Variants in MITF observed in about 807,000 individuals in gnomAD.
The protein encoded by MITF is melanocyte inducing transcription factor.
MITF carries 17 observed loss-of-function variants against 60.5 expected under a neutral mutation model. The observed-to-expected ratio is 0.28, with a 90% CI of 0.19 to 0.42. MITF has a LOEUF of 0.42. Among genes scored for constraint, MITF ranks in the 10% least tolerant of loss-of-function variants. The probability of loss-of-function intolerance (pLI) is 1.00; values close to 1 mark genes in which losing one functional copy is unlikely to be tolerated. For synonymous variants in MITF, 260 were observed against 248.5 expected (o/e 1.05, Z -0.43); for missense variants, 622 against 683.5 (o/e 0.91, Z 1.00).
intron 1 of MITF, among the ~76,000 whole-genome samples, chr3:69,813,166 T>G (rs914800802): frequency 6.6e-6 from 1 of 152,170 alleles, no homozygotes; most frequent in African/African-American, 2.4e-5. Context: ...TAAACCTGAC[T>G]CAGAAGATTT....
chr3:69,828,797 A>G (rs751523501), intron 1 of MITF, among the ~76,000 whole-genome samples: 1 of 152,198 alleles, frequency 6.6e-6, no homozygotes, highest in Non-Finnish European at 1.5e-5. Flanking sequence ...GGAGTCTGAC[A>G]TGAGCATCAT....
intron 1 of MITF, among the ~76,000 whole-genome samples, chr3:69,821,721 G>A (rs1281725956): frequency 1.1e-4 from 15 of 142,668 alleles, no homozygotes; most frequent in African/African-American, 3.8e-4. Context: ...AAGTTCAAAC[G>A]GGATTTTCTT....
intron 2 of MITF, among the ~76,000 whole-genome samples, chr3:69,896,380 G>T (rs1418865207): frequency 6.6e-6 from 1 of 152,186 alleles, no homozygotes; most frequent in Admixed American, 6.5e-5. Context: ...CATAAAGAAG[G>T]CTGTCTCTGG....
rs141632960 is a variant in MITF, at chr3:69,859,722, C to T, written c.105-19412C>T. Reference sequence around the variant, plus strand: ...ACTCTCCTGTTTCAATCCACAACACCCCTAAAAGATAGGCAGAGACATTCA... The same window carrying T: ...ACTCTCCTGTTTCAATCCACAACACTCCTAAAAGATAGGCAGAGACATTCA... On this transcript the variant is annotated intron_variant, in intron 1 of 9. Transcript: ENST00000352241. Among the ~76,000 whole-genome samples, 12 of 152,042 alleles carry T rather than the reference C, an allele frequency of 7.9e-5. No homozygotes were observed. The East Asian group carries it at 2.1e-3, about 27-fold the overall frequency.
intron 1 of MITF, among the ~76,000 whole-genome samples, chr3:69,802,596 A>G (rs533491541): frequency 1.4e-4 from 21 of 151,232 alleles, no homozygotes; most frequent in Admixed American, 1.1e-3. Flanking sequence ...ATTTTTCACC[A>G]TTCATTTGTG....
At chr3:69,877,942 G>T (rs1453045018) in intron 1 of MITF, among the ~76,000 whole-genome samples, 1 of 152,068 alleles carries the variant, frequency 6.6e-6, no homozygotes, top group Non-Finnish European at 1.5e-5. Flanking sequence ...AGGTGCTAAG[G>T]TTTTGAACCG....
intron 1 of MITF, among the ~76,000 whole-genome samples, chr3:69,802,033 C>A (rs1310297606): frequency 2.0e-5 from 3 of 152,000 alleles, no homozygotes; most frequent in African/African-American, 7.3e-5. Flanking sequence ...TTATTACAAC[C>A]ATTACTTGAG....
intron 2 of MITF, among the ~76,000 whole-genome samples, chr3:69,881,174 A>G (rs759469264): frequency 3.3e-5 from 5 of 152,084 alleles, no homozygotes; most frequent in Non-Finnish European, 5.9e-5. Flanking sequence ...TTGAGCTACA[A>G]CCCCTAACTT....
chr3:69,801,410 T>C lies in MITF; in HGVS notation c.104+61709T>C, dbSNP rs185242243. Among the ~76,000 whole-genome samples, 306 of 152,310 alleles carry C rather than the reference T, an allele frequency of 2.0e-3. 1 individual carries two copies. Among genetic ancestry groups the C allele is most frequent in the African/African-American group, 6.7e-3 (277 of 41,564 alleles). ...GTAAACTGTGACAATGTCAAATCAA[T>C]AACAGTATAGTTTTCTTATATCCAG... is the stretch of plus-strand genomic sequence containing the variant. On this transcript the variant is annotated intron_variant, in intron 1 of 9. Coordinates refer to ENST00000352241, the MANE Select transcript of MITF (RefSeq NM_001354604.2).
chr3:69,955,643 C>T (rs2066377892), intron 7 of MITF, among the ~76,000 whole-genome samples: 1 of 151,856 alleles, frequency 6.6e-6, no homozygotes, highest in African/African-American at 2.4e-5. Context: ...GTGAAACCCC[C>T]TTCTCTACTA....
chr3:69,934,498 G>A (rs1185767154), intron 2 of MITF, among the ~76,000 whole-genome samples: 9 of 152,142 alleles, frequency 5.9e-5, no homozygotes, highest in Non-Finnish European at 1.3e-4. Flanking sequence ...TTGTGCTAAG[G>A]CCGTTAGAAA....
Position 69,951,687 on chromosome 3 carries a change from C to A in MITF, c.881-125C>A. Reference sequence around the variant, plus strand: ...TAAAAAGATATCATTTTTAAAAAAACGTATTTTTACTTAGAGTCAAGTCAA... The same window carrying A: ...TAAAAAGATATCATTTTTAAAAAAAAGTATTTTTACTTAGAGTCAAGTCAA... On this transcript the variant is annotated intron_variant, in intron 6 of 9. Transcript: ENST00000352241. 8.5e-6 allele frequency: 6 copies of A among 705,534 alleles called. No homozygotes were observed. In the Admixed American group the frequency reaches 1.2e-4, roughly 14 times the overall value. The allele number at this position is 705,534 out of a possible 1,614,324, so 43.7% of individuals were successfully genotyped here. A position where few individuals can be genotyped will look rare whatever the true frequency, so the allele number is the denominator to read the frequency against.
At chr3:69,912,889 A>G (rs1256835648) in intron 2 of MITF, among the ~76,000 whole-genome samples, 3 of 152,222 alleles carry the variant, frequency 2.0e-5, no homozygotes, top group African/African-American at 7.2e-5. Context: ...TCATAATGCA[A>G]GAATATTCAA....
At chr3:69,842,588 A>C (rs1230967942) in intron 1 of MITF, among the ~76,000 whole-genome samples, 4 of 152,218 alleles carry the variant, frequency 2.6e-5, no homozygotes, top group Non-Finnish European at 5.9e-5. Context: ...AGATGTTTGA[A>C]GTGTGTGCTT....
At chr3:69,939,309 A>C in intron 4 of MITF, 128 bp downstream of exon 4, 1 of 794,030 alleles carries the variant, frequency 1.3e-6, no homozygotes, top group African/African-American at 1.8e-5. Context: ...TTATAGAGAA[A>C]GCTAGGAACA....
chr3:69,810,769 A>T (rs1575749194), intron 1 of MITF, among the ~76,000 whole-genome samples: 1 of 152,334 alleles, frequency 6.6e-6, no homozygotes, highest in African/African-American at 2.4e-5. Flanking sequence ...AAGCATCTGC[A>T]GTGTACATGG....
intron 2 of MITF, among the ~76,000 whole-genome samples, chr3:69,894,977 G>T (rs558691338): frequency 2.6e-5 from 4 of 152,300 alleles, no homozygotes; most frequent in African/African-American, 9.6e-5. Flanking sequence ...ACATGCCTCT[G>T]CATGGACCCC....
chr3:69,831,925 G>A (rs554400592), intron 1 of MITF, among the ~76,000 whole-genome samples: 2 of 152,234 alleles, frequency 1.3e-5, no homozygotes, highest in Admixed American at 1.3e-4. Context: ...AGCTGGGGTG[G>A]TACACAGGGT....
At chr3:69,765,075 G>A (rs937535007) in intron 1 of MITF, among the ~76,000 whole-genome samples, 4 of 152,274 alleles carry the variant, frequency 2.6e-5, no homozygotes, top group Admixed American at 2.0e-4. Flanking sequence ...CTGCTGGGTG[G>A]TATTGATTGA....
Sources: allele counts gnomAD v4.1 joint callset (sites outside exome capture counted in the v4.1 genomes callset), GRCh38; gene constraint gnomAD v4.1.1; transcripts MANE v1.5; gene names NCBI Gene and HGNC (gene_info 2026-07-23, HGNC 2026-07-21).